Variants in DPP10 observed in about 807,000 individuals in gnomAD.
The protein encoded by DPP10 is inactive dipeptidyl peptidase 10.
Under a neutral mutation model 120.9 loss-of-function variants are expected in DPP10, and 33 were observed. The observed-to-expected ratio is 0.27, with a 90% confidence interval of 0.21 to 0.37. The LOEUF is 0.37. Ranked by LOEUF, DPP10 falls within the 10% of genes least tolerant of loss-of-function variation. DPP10 has a pLI of 1.00. For missense variants in DPP10, 816 were observed against 942.8 expected, an observed-to-expected ratio of 0.87 and a Z score of 1.76; for synonymous variants, 337 against 326.1, an observed-to-expected ratio of 1.03 and a Z score of -0.36.
At chr2:115,798,225 A>G (rs1209775036) in intron 19 of DPP10, among the ~76,000 whole-genome samples, 1 of 151,994 alleles carries the variant, frequency 6.6e-6, no homozygotes, top group Non-Finnish European at 1.5e-5. Flanking sequence ...GGTCATATAA[A>G]TGTAGTCATT....
At chr2:114,712,548 C>G (rs1344440429) in intron 1 of DPP10, among the ~76,000 whole-genome samples, 1 of 152,152 alleles carries the variant, frequency 6.6e-6, no homozygotes, top group African/African-American at 2.4e-5. Flanking sequence ...GTGATATGGT[C>G]TCAAGGACAC....
At chr2:114,802,377 T>C (rs777995033) in intron 1 of DPP10, among the ~76,000 whole-genome samples, 3 of 152,222 alleles carry the variant, frequency 2.0e-5, no homozygotes, top group Admixed American at 6.5e-5. Context: ...TAACTAAATA[T>C]AGCCTGGCAT....
At chr2:114,865,170 C>T (rs980604382) in intron 1 of DPP10, among the ~76,000 whole-genome samples, 3 of 152,164 alleles carry the variant, frequency 2.0e-5, no homozygotes, top group East Asian at 1.9e-4. Context: ...ATATTGAAGA[C>T]CTCTAGGTGT....
At position 115,088,768 on chromosome 2, in the gene DPP10, A is replaced by AAAAAAAAAAC. The variant is rs775985067; in HGVS notation, c.61-220470_61-220469insAAAAAAAACA. Among the ~76,000 whole-genome samples the AAAAAAAAAAC allele has an allele frequency of 7.3e-3, 983 of 134,702 alleles. 2 individuals carry two copies. The highest frequency in any genetic ancestry group is 0.011 in the Non-Finnish European group (684 of 62,604). The allele number at this position is 134,702 out of a possible 152,430, so 88.4% of individuals were successfully genotyped here. A position where few individuals can be genotyped will look rare whatever the true frequency, so the allele number is the denominator to read the frequency against. On this transcript the variant is annotated intron_variant, in intron 1 of 25. Transcript: ENST00000410059. The stretch of plus-strand genomic sequence containing the variant: ...TGCCTGACAAAAAAAAAAAAAAAAA[A>AAAAAAAAAAC]ACCAAAAAACAAAAAAAACCTTAAA...
intron 1 of DPP10, among the ~76,000 whole-genome samples, chr2:114,626,511 C>A (rs1439158761): frequency 6.6e-6 from 1 of 152,000 alleles, no homozygotes; most frequent in East Asian, 1.9e-4. Context: ...GTTGGTTGAG[C>A]TGCCACGTTT....
At chr2:114,771,149 T>A (rs918666627) in intron 1 of DPP10, among the ~76,000 whole-genome samples, 2 of 152,326 alleles carry the variant, frequency 1.3e-5, no homozygotes, top group East Asian at 3.9e-4. Flanking sequence ...AATTGAACTC[T>A]TGAACTTTTG....
chr2:114,517,911 T>C (rs1202554831), intron 1 of DPP10, among the ~76,000 whole-genome samples: 1 of 152,148 alleles, frequency 6.6e-6, no homozygotes, highest in Non-Finnish European at 1.5e-5. Flanking sequence ...TTGGGCAATG[T>C]TTCTATAGGC....
intron 1 of DPP10, among the ~76,000 whole-genome samples, chr2:114,783,461 T>C (rs946965043): frequency 1.3e-5 from 2 of 152,136 alleles, no homozygotes; most frequent in South Asian, 2.1e-4. Flanking sequence ...CCTGTTCTCA[T>C]AGAGACAGGA....
chr2:114,473,770 C>T (rs1290594364), intron 1 of DPP10, among the ~76,000 whole-genome samples: 3 of 152,068 alleles, frequency 2.0e-5, no homozygotes, highest in Non-Finnish European at 2.9e-5. Flanking sequence ...TTTTATGATA[C>T]ATTTTTAGTG....
In DPP10 at chr2:115,739,605, T is replaced by A. The variant is rs1035591848; in HGVS notation, c.698-134T>A. ...AGGGTGACTCAGAATTAGAGAATTTTCAGGGAAGTTAATAAAATTCAATAC... is the reference window on the plus strand; with the variant it reads ...AGGGTGACTCAGAATTAGAGAATTTACAGGGAAGTTAATAAAATTCAATAC... On this transcript the variant is annotated intron_variant, in intron 8 of 25. Coordinates refer to ENST00000410059, the MANE Select transcript of DPP10 (RefSeq NM_020868.6). The A allele has an allele frequency of 7.5e-6, 7 of 928,392 alleles. No individual in the cohort carries two copies. In the African/African-American group the frequency reaches 1.2e-4, roughly 16 times the overall value. 57.5% of individuals were successfully genotyped at this position (928,392 alleles called of 1,614,324 possible). A position where few individuals can be genotyped will look rare whatever the true frequency, so the allele number is the denominator to read the frequency against.
chr2:115,613,934 C>G (rs925763334), intron 5 of DPP10, among the ~76,000 whole-genome samples: 1 of 152,098 alleles, frequency 6.6e-6, no homozygotes, highest in Non-Finnish European at 1.5e-5. Flanking sequence ...AGAGTGACTC[C>G]CATGCCTCTC....
intron 21 of DPP10, among the ~76,000 whole-genome samples, chr2:115,818,092 A>C (rs980342402): frequency 3.2e-4 from 48 of 152,324 alleles, no homozygotes; most frequent in African/African-American, 9.1e-4. Flanking sequence ...AGGGAGAGCA[A>C]GAGCAGTAAA....
chr2:115,808,143 A>C (rs562121041), intron 19 of DPP10, among the ~76,000 whole-genome samples: 1 of 152,368 alleles, frequency 6.6e-6, no homozygotes, highest in South Asian at 2.1e-4. Flanking sequence ...GCTGAGCAGC[A>C]TATACGTGTG....
rs2104624918 is a variant in DPP10, at chr2:115,415,848, T to TATA, written c.271+71937_271+71939dup. On this transcript the variant is annotated intron_variant, in intron 3 of 25. Transcript: ENST00000410059. ...TTTATACCTGATTTGCTTTTATATA[T>TATA]ATATATATATATATATATATATATA... Among the ~76,000 whole-genome samples, 2 of 129,162 alleles carry TATA rather than the reference T, an allele frequency of 1.5e-5. 1 individual carries two copies. Among genetic ancestry groups the TATA allele is most frequent in the Non-Finnish European group, 3.2e-5 (2 of 61,794 alleles). The allele number at this position is 129,162 out of a possible 152,430, so 84.7% of individuals were successfully genotyped here.
chr2:115,804,245 C>T lies in DPP10; in HGVS notation c.1701-10548C>T, dbSNP rs186546375. 4.8e-3 allele frequency among the ~76,000 whole-genome samples: 737 copies of T among 152,278 alleles called. 7 individuals are homozygous for T. Among genetic ancestry groups the T allele is most frequent in the African/African-American group, 0.016 (655 of 41,546 alleles). The stretch of plus-strand genomic sequence containing the variant: ...CATCGGTTACTGAGGCTTGTGCATT[C>T]GTCACGTAGTTCTCGTGCCTTGGTT... On this transcript the variant is annotated intron_variant, in intron 19 of 25. Coordinates refer to ENST00000410059, the MANE Select transcript of DPP10 (RefSeq NM_020868.6).
intron 24 of DPP10, among the ~76,000 whole-genome samples, chr2:115,839,458 G>A (rs1689859193): frequency 6.6e-6 from 1 of 151,970 alleles, no homozygotes; most frequent in African/African-American, 2.4e-5. Flanking sequence ...GGCAGCTCAC[G>A]AGGTCAGGAG....
At chr2:115,174,922 T>A (rs761346123) in intron 1 of DPP10, among the ~76,000 whole-genome samples, 8 of 152,222 alleles carry the variant, frequency 5.3e-5, no homozygotes, top group South Asian at 2.1e-4. Context: ...TGCAGGTGTC[T>A]ATGAAGGCTA....
chr2:114,745,862 C>A (rs906054846), intron 1 of DPP10, among the ~76,000 whole-genome samples: 8 of 152,310 alleles, frequency 5.3e-5, no homozygotes, highest in Non-Finnish European at 1.2e-4. Context: ...AGCCTCTGTT[C>A]ACGTAGTCCC....
chr2:115,246,365 C>G (rs1168789522), intron 1 of DPP10, among the ~76,000 whole-genome samples: 1 of 152,112 alleles, frequency 6.6e-6, no homozygotes, highest in African/African-American at 2.4e-5. Flanking sequence ...TGCTCTGGTA[C>G]ATGAAGACAA....
Sources: gnomAD v4.1 joint callset for allele counts (sites outside exome capture counted in the v4.1 genomes callset) on GRCh38, gnomAD v4.1.1 for gene constraint, MANE v1.5 for transcripts, NCBI Gene and HGNC (gene_info 2026-07-23, HGNC 2026-07-21) for gene names.